PARVB: variants seen among roughly 807,000 people sequenced by gnomAD.
PARVB encodes the protein parvin beta.
PARVB carries 46 observed loss-of-function variants against 47.0 expected under a neutral mutation model. The observed-to-expected ratio is 0.98, with a 90% CI of 0.77 to 1.25. The LOEUF (loss-of-function observed/expected upper bound fraction) is 1.25. Among genes scored for constraint, PARVB ranks in the 50% most tolerant of loss-of-function variants. PARVB has a pLI of 0.00. For missense variants in PARVB, 473 were observed against 471.6 expected, an observed-to-expected ratio of 1.00 and a Z score of -0.03; for synonymous variants, 196 against 196.3, an observed-to-expected ratio of 1.00 and a Z score of 0.01.
chr22:44,029,135 C>T (rs568016342), intron 1 of PARVB, among the ~76,000 whole-genome samples: 4 of 152,132 alleles, frequency 2.6e-5, no homozygotes, highest in Non-Finnish European at 5.9e-5. Context: ...CAGGCACATA[C>T]CACCATGCCC....
Position 44,171,756 on chromosome 22 carries a change from T to C in PARVB, c.*3078T>C, listed in dbSNP as rs891649669. 5 of 151,064 alleles carry C rather than the reference T, an allele frequency of 3.3e-5. No homozygotes were observed. Among genetic ancestry groups the C allele is most frequent in the African/African-American group, 1.2e-4 (5 of 41,076 alleles). The allele number at this position is 151,064 out of a possible 1,614,324, so 9.4% of individuals were successfully genotyped here. On this transcript the variant is annotated 3_prime_UTR_variant, in exon 13 of 13. Transcript: ENST00000338758. ...TCATAAGATCTGTGGGGAAGCTACATGGGCACTTGTGTTTCACAACAGGGA... is the reference window on the plus strand; with the variant it reads ...TCATAAGATCTGTGGGGAAGCTACACGGGCACTTGTGTTTCACAACAGGGA...
At chr22:44,048,897 C>A (rs978793268) in intron 1 of PARVB, among the ~76,000 whole-genome samples, 1 of 152,116 alleles carries the variant, frequency 6.6e-6, no homozygotes, top group African/African-American at 2.4e-5. Context: ...ATCATGTTGG[C>A]CAGGCTAGTC....
At chr22:44,132,595 G>A (rs1193847274) in intron 5 of PARVB, among the ~76,000 whole-genome samples, 6 of 152,140 alleles carry the variant, frequency 3.9e-5, no homozygotes, top group African/African-American at 1.4e-4. Flanking sequence ...TTTCCCTTCT[G>A]TGCTAATTTT....
chr22:44,121,052 A>G lies in PARVB; in HGVS notation c.376+1912A>G, dbSNP rs1336416759. 2.0e-5 allele frequency among the ~76,000 whole-genome samples: 3 copies of G among 152,174 alleles called. No homozygotes were observed. In the South Asian group the frequency reaches 6.2e-4, roughly 32 times the overall value. ...GAGATGGAGTTTCACCATGTTGGCC[A>G]GGATGGTCTTGATCTCCTGACCTCA... is the stretch of plus-strand genomic sequence containing the variant. On this transcript the variant is annotated intron_variant, in intron 4 of 12. Transcript: ENST00000338758.
At chr22:44,057,597 C>A (rs1486571801) in intron 1 of PARVB, among the ~76,000 whole-genome samples, 3 of 151,854 alleles carry the variant, frequency 2.0e-5, no homozygotes, top group Non-Finnish European at 4.4e-5. Flanking sequence ...CTTAGGTCAG[C>A]TCAGGAGACC....
chr22:44,047,030 A>AAG (rs1425747101), intron 1 of PARVB, among the ~76,000 whole-genome samples: 2 of 152,156 alleles, frequency 1.3e-5, no homozygotes, highest in African/African-American at 4.8e-5. Flanking sequence ...GGCAGAGGTG[A>AAG]AGAGAGGTGT....
chr22:44,083,919 G>A, intron 1 of PARVB, among the ~76,000 whole-genome samples: 1 of 152,146 alleles, frequency 6.6e-6, no homozygotes, highest in East Asian at 1.9e-4. Flanking sequence ...ACTCAAAATG[G>A]CTTAAAAGCA....
At chr22:44,118,227 G>T (rs2052956913) in intron 3 of PARVB, among the ~76,000 whole-genome samples, 1 of 152,196 alleles carries the variant, frequency 6.6e-6, no homozygotes, top group South Asian at 2.1e-4. Context: ...TTCAGCGTAG[G>T]CACGAAAGAA....
intron 11 of PARVB, among the ~76,000 whole-genome samples, chr22:44,160,208 C>A (rs1422520447): frequency 6.6e-6 from 1 of 152,154 alleles, no homozygotes; most frequent in Non-Finnish European, 1.5e-5. Context: ...TCTGCAGGCT[C>A]CCTCTCTCTG....
chr22:44,055,565 C>T (rs5764486), intron 1 of PARVB, among the ~76,000 whole-genome samples: 12,046 of 152,060 alleles, frequency 0.079, 519 homozygotes, highest in Middle Eastern at 0.12. Context: ...GATCTCCTGA[C>T]CTCGTGATCC....
upstream of PARVB, among the ~76,000 whole-genome samples, chr22:44,021,495 C>T (rs768803503): frequency 2.0e-5 from 3 of 152,188 alleles, no homozygotes; most frequent in African/African-American, 7.2e-5. Context: ...ACAGGACTAT[C>T]GTTCCCCTTT....
chr22:44,015,297 A>AT (rs551638847), intron 2 of PARVB, among the ~76,000 whole-genome samples: 13 of 152,170 alleles, frequency 8.5e-5, no homozygotes, highest in African/African-American at 2.9e-4. Flanking sequence ...CCCCAAAATT[A>AT]TTTTTTTTCT....
At chr22:44,082,177 T>G (rs2051917612) in intron 1 of PARVB, among the ~76,000 whole-genome samples, 1 of 152,142 alleles carries the variant, frequency 6.6e-6, no homozygotes, top group Non-Finnish European at 1.5e-5. Flanking sequence ...GTGGGGGCAC[T>G]GGGCGGTAGG....
Position 43,999,416 on chromosome 22 carries a change from G to C in PARVB, c.71+5G>C, listed in dbSNP as rs1400443926. 3 of 1,607,632 alleles carry C rather than the reference G, an allele frequency of 1.9e-6. No individual in the cohort carries two copies. The African/African-American group carries it at 4.0e-5, about 21-fold the overall frequency. ...TAGTCCAGAGAACAAAAACTGGTGA[G>C]CTGTGATTTAAACAAAACGAATGTT... is the stretch of plus-strand genomic sequence containing the variant. On this transcript the variant is annotated splice_donor_5th_base_variant and intron_variant, in intron 1 of 13. Coordinates refer to the PARVB transcript ENST00000406477.
intron 9 of PARVB, 75 bp downstream of exon 9, chr22:44,147,997 G>T: frequency 9.1e-7 from 1 of 1,099,752 alleles, no homozygotes; most frequent in Non-Finnish European, 1.4e-6. Context: ...GCCCCGCTGG[G>T]AAGAAGGTGG....
In PARVB at chr22:44,068,038, C is replaced by G. The variant is rs1401390824; in HGVS notation, c.113-25890C>G. ...TCCCAGTCCACTGCCTGCCCCAGAGCCCCGCCTGGAGCACCTGCTGGGTCG... is the reference window on the plus strand; with the variant it reads ...TCCCAGTCCACTGCCTGCCCCAGAGGCCCGCCTGGAGCACCTGCTGGGTCG... On this transcript the variant is annotated intron_variant, in intron 1 of 12. Coordinates refer to ENST00000338758, the MANE Select transcript of PARVB (RefSeq NM_013327.5). This position sits in a 1 kb window ranked among gnomAD's most constrained non-coding sequence, Gnocchi z 4.1. 1.3e-5 allele frequency among the ~76,000 whole-genome samples: 2 copies of G among 152,146 alleles called. No individual in the cohort carries two copies. Among genetic ancestry groups the G allele is most frequent in the Non-Finnish European group, 2.9e-5 (2 of 68,024 alleles).
At position 44,164,416 on chromosome 22, in the gene PARVB, C is replaced by A. The variant is rs911246349; in HGVS notation, c.1018+486C>A. 1.4e-3 allele frequency among the ~76,000 whole-genome samples: 178 copies of A among 127,874 alleles called. 1 individual carries two copies. Among genetic ancestry groups the A allele is most frequent in the African/African-American group, 4.4e-3 (175 of 39,552 alleles). The allele number at this position is 127,874 out of a possible 152,430, so 83.9% of individuals were successfully genotyped here. A position where few individuals can be genotyped will look rare whatever the true frequency, so the allele number is the denominator to read the frequency against. On this transcript the variant is annotated intron_variant, in intron 12 of 12. Transcript: ENST00000338758. ...CGGGCGGTTGCTTCCCTGTCCCCCCCCCGGCTCCTGTGCCAAGTTACCTAT... is the reference window on the plus strand; with the variant it reads ...CGGGCGGTTGCTTCCCTGTCCCCCCACCGGCTCCTGTGCCAAGTTACCTAT...
At chr22:44,094,085 G>A in intron 2 of PARVB, 68 bp downstream of exon 2, 5 of 861,162 alleles carry the variant, frequency 5.8e-6, no homozygotes, top group African/African-American at 1.7e-5. Context: ...TGGTCTTGGG[G>A]AGGCCAATGA....
Position 44,066,849 on chromosome 22 carries a change from T to C in PARVB, c.113-27079T>C, listed in dbSNP as rs370124831. Among the ~76,000 whole-genome samples the C allele has an allele frequency of 3.9e-3, 351 of 90,362 alleles. 5 individuals are homozygous for C. Among genetic ancestry groups the C allele is most frequent in the East Asian group, 0.031 (77 of 2,520 alleles). The allele number at this position is 90,362 out of a possible 152,430, so 59.3% of individuals were successfully genotyped here. ...TCCTCCTCCATCTCCTCCTCTCTTC[T>C]TCTTCCTTTTTTTTCTTCTTTCTTC... On this transcript the variant is annotated intron_variant, in intron 1 of 12. Transcript: ENST00000338758.
Sources: allele counts gnomAD v4.1 joint callset (sites outside exome capture counted in the v4.1 genomes callset), GRCh38; gene constraint gnomAD v4.1.1; non-coding constraint Gnocchi (gnomAD v3.1); transcripts MANE v1.5; gene names NCBI Gene and HGNC (gene_info 2026-07-23, HGNC 2026-07-21).